Variants in ALMS1 observed in about 807,000 individuals in gnomAD.
ALMS1 encodes ALMS1 centrosome and basal body associated protein, also known as centrosome-associated protein ALMS1.
ALMS1 carries 271 observed loss-of-function variants against 352.2 expected under a neutral mutation model. That is an observed-to-expected ratio of 0.77 (90% CI 0.70 to 0.85). ALMS1 has a LOEUF of 0.85. ALMS1 is among the 40% of genes least tolerant of loss of function. The pLI is 0.00. For synonymous variants in ALMS1, 1,865 were observed against 1,761.2 expected, an observed-to-expected ratio of 1.06 and a Z score of -1.48; for missense variants, 5,445 against 4,870.7, an observed-to-expected ratio of 1.12 and a Z score of -3.51.
Position 73,449,837 on chromosome 2 carries a change from G to GTGA in ALMS1, c.3310_3311insTGA (p.Gly1104delinsValSer). 1 of 1,613,860 alleles carries GTGA rather than the reference G, an allele frequency of 6.2e-7. No homozygotes were observed. Among genetic ancestry groups the GTGA allele is most frequent in the South Asian group, 1.1e-5 (1 of 91,074 alleles). ...TTTCTACTCACAAAGAGAGAAGCCTGGTATTTTCTACCAACAGACCTTGCC... is the reference window on the plus strand; with the variant it reads ...TTTCTACTCACAAAGAGAGAAGCCTGTGAGTATTTTCTACCAACAGACCTTGCC... On this transcript the variant is annotated protein_altering_variant, in exon 8 of 23. Transcript: ENST00000613296.
chr2:73,447,899 A>T, intron 7 of ALMS1, 61 bp from the exon 8 acceptor site: 1 of 1,493,530 alleles, frequency 6.7e-7, no homozygotes, highest in Non-Finnish European at 8.9e-7. Flanking sequence ...GCTTTTTTCC[A>T]GCACATAGAA....
chr2:73,516,304 T>C (rs2103954427), intron 10 of ALMS1, among the ~76,000 whole-genome samples: 1 of 152,234 alleles, frequency 6.6e-6, no homozygotes, highest in Admixed American at 6.5e-5. Flanking sequence ...TAACAGGTGT[T>C]GGTGAGGTTG....
In ALMS1 at chr2:73,608,513, A is replaced by G. The variant is rs539232252; in HGVS notation, c.12401A>G (p.Glu4134Gly). ...CTTCCAGAAGTACAGAAAAAGAGAG[A>G]AGAAGAGAAGAGAAAATCAGAATAT... ...EQLPEVQKKR[E>G]EEKRKSEYKS... The change falls in exon 22 of 23, where the codon GAA becomes GGA. Residue 4134 changes from glutamate (E) to glycine (G), a missense_variant. Coordinates refer to ENST00000613296, the MANE Select transcript of ALMS1 (RefSeq NM_001378454.1). 1.9e-6 allele frequency: 3 copies of G among 1,613,952 alleles called. No homozygotes were observed. In the South Asian group the frequency reaches 3.3e-5, roughly 18 times the overall value.
At chr2:73,538,192 C>T (rs902745449) in intron 12 of ALMS1, among the ~76,000 whole-genome samples, 2 of 151,850 alleles carry the variant, frequency 1.3e-5, no homozygotes, top group Non-Finnish European at 2.9e-5. Flanking sequence ...TGTAAGGAAC[C>T]CTTACAACTC....
At position 73,600,742 on chromosome 2, in the gene ALMS1, T is replaced by TC. The variant is rs1558711346; in HGVS notation, c.11735dup (p.Ser3913LysfsTer6). The stretch of plus-strand genomic sequence containing the variant: ...GAGATGTTGGGATAACTTTCCCAAC[T>TC]CCAAGTTCCAGCGAGGCTAAATTGG... On this transcript the variant is annotated frameshift_variant, in exon 18 of 23. Transcript: ENST00000613296. LOFTEE classifies it high-confidence loss of function. The TC allele has an allele frequency of 6.2e-7, 1 of 1,614,158 alleles. No homozygotes were observed. Among genetic ancestry groups the TC allele is most frequent in the South Asian group, 1.1e-5 (1 of 91,064 alleles).
intron 15 of ALMS1, among the ~76,000 whole-genome samples, chr2:73,561,351 T>C (rs892258857): frequency 6.6e-6 from 1 of 152,262 alleles, no homozygotes; most frequent in Non-Finnish European, 1.5e-5. Flanking sequence ...GTTGAAGGAG[T>C]GCTGGGAGAG....
Position 73,453,872 on chromosome 2 carries a change from T to C in ALMS1, c.7345T>C (p.Tyr2449His), listed in dbSNP as rs761296102. 2.5e-6 allele frequency: 4 copies of C among 1,614,106 alleles called. No homozygotes were observed. In the East Asian group the frequency reaches 6.7e-5, roughly 27 times the overall value. ...TGATGTTCTTCTAAACTTCTTTCCA[T>C]ATGTTTCACCCAAGACAAGTATAAC... is the stretch of plus-strand genomic sequence containing the variant. Reference protein sequence around the residue: ...VSDVLLNFFPYVSPKTSITDS... With the variant: ...VSDVLLNFFPHVSPKTSITDS... The change falls in exon 8 of 23, where the codon TAT becomes CAT. Residue 2449 changes from tyrosine to histidine, a missense_variant. Transcript: ENST00000613296.
At chr2:73,567,967 A>T (rs541130072) in intron 15 of ALMS1, among the ~76,000 whole-genome samples, 8 of 152,312 alleles carry the variant, frequency 5.3e-5, no homozygotes, top group African/African-American at 1.9e-4. Flanking sequence ...AAACAATTTT[A>T]AAAAATTGAG....
At chr2:73,480,532 A>G (rs935314781) in intron 9 of ALMS1, among the ~76,000 whole-genome samples, 21 of 152,202 alleles carry the variant, frequency 1.4e-4, no homozygotes, top group African/African-American at 5.1e-4. Flanking sequence ...GCCGCAATAA[A>G]CATACGTGTG....
At chr2:73,410,687 T>A (rs1436104422) in intron 2 of ALMS1, among the ~76,000 whole-genome samples, 1 of 152,106 alleles carries the variant, frequency 6.6e-6, no homozygotes, top group Non-Finnish European at 1.5e-5. Context: ...CCCTCAGGGA[T>A]TTTTGGACTA....
In ALMS1 at chr2:73,450,672, C is replaced by T. The variant is rs763865904; in HGVS notation, c.4145C>T (p.Ser1382Leu). The change falls in exon 8 of 23, where the codon TCA (serine) becomes TTA (leucine). Residue 1382 changes from serine (S) to leucine (L), a missense_variant. Ser to Leu is a moderately radical substitution (Grantham distance 145). Coordinates refer to ENST00000613296, the MANE Select transcript of ALMS1 (RefSeq NM_001378454.1). ...CCAACTGTAACCTCTACTTCTTACT[C>T]ACAACATACAGAGAAGCCGAGTATT... ...GTPTVTSTSY[S>L]QHTEKPSIFY... is the part of the protein sequence containing the mutation. 6.2e-7 allele frequency: 1 copy of T among 1,613,416 alleles called. No homozygotes were observed. Among genetic ancestry groups the T allele is most frequent in the Non-Finnish European group, 8.5e-7 (1 of 1,179,846 alleles).
At chr2:73,543,334 T>A (rs1674235868) in intron 12 of ALMS1, among the ~76,000 whole-genome samples, 1 of 152,168 alleles carries the variant, frequency 6.6e-6, no homozygotes, top group Non-Finnish European at 1.5e-5. Context: ...TGAAAGTGGA[T>A]CCCTTCCTTA....
chr2:73,580,097 T>A (rs1675142846), intron 16 of ALMS1, among the ~76,000 whole-genome samples: 1 of 152,196 alleles, frequency 6.6e-6, no homozygotes, highest in Non-Finnish European at 1.5e-5. Context: ...TTCTATTTTT[T>A]TAGAGTAGGG....
chr2:73,389,632 A>T (rs528097635), intron 1 of ALMS1, among the ~76,000 whole-genome samples: 57 of 152,300 alleles, frequency 3.7e-4, no homozygotes, highest in Non-Finnish European at 6.5e-4. Context: ...TTTTTAAGCT[A>T]ACCCTCTTTT....
intron 9 of ALMS1, chr2:73,458,202 T>C (rs1161253480): frequency 6.6e-6 from 1 of 152,158 alleles, no homozygotes; most frequent in African/African-American, 2.4e-5. Context: ...TGTCTAGATA[T>C]GCCTTGTCCT....
chr2:73,554,844 T>G (rs1221088272), intron 13 of ALMS1, among the ~76,000 whole-genome samples: 4 of 152,108 alleles, frequency 2.6e-5, no homozygotes, highest in African/African-American at 9.7e-5. Context: ...GTGCACGTTT[T>G]CCCCCATATT....
chr2:73,464,487 T>A (rs1471627324), intron 9 of ALMS1, among the ~76,000 whole-genome samples: 1 of 152,168 alleles, frequency 6.6e-6, no homozygotes, highest in Non-Finnish European at 1.5e-5. Flanking sequence ...ACAGCCAATA[T>A]CATACCGAAT....
At chr2:73,563,574 T>C (rs1430986125) in intron 15 of ALMS1, among the ~76,000 whole-genome samples, 3 of 151,352 alleles carry the variant, frequency 2.0e-5, no homozygotes, top group African/African-American at 7.3e-5. Flanking sequence ...TACAAAAAAA[T>C]TAGCCGGGCG....
intron 16 of ALMS1, among the ~76,000 whole-genome samples, chr2:73,590,992 T>C (rs1205511436): frequency 2.0e-5 from 3 of 152,092 alleles, no homozygotes; most frequent in Non-Finnish European, 4.4e-5. Flanking sequence ...TTTTCTTTTT[T>C]AGAGATGTGG....
Sources: allele counts gnomAD v4.1 joint callset (sites outside exome capture counted in the v4.1 genomes callset), GRCh38; gene constraint gnomAD v4.1.1; transcripts MANE v1.5; gene names NCBI Gene and HGNC (gene_info 2026-07-23, HGNC 2026-07-21).